Variants in MYO16 observed in about 807,000 individuals in gnomAD.
The protein encoded by MYO16 is unconventional myosin-XVI.
Under a neutral mutation model 205.3 loss-of-function variants are expected in MYO16, and 94 were observed. The ratio of observed to expected loss-of-function variants is 0.46; its 90% CI spans 0.39 to 0.54. The LOEUF (loss-of-function observed/expected upper bound fraction) is 0.54, where lower values mean the gene tolerates loss of function less well. MYO16 is among the 20% of genes least tolerant of loss of function. The pLI is 0.00. For synonymous variants in MYO16, 988 were observed against 954.0 expected, an observed-to-expected ratio of 1.04 and a Z score of -0.66; for missense variants, 2,315 against 2,387.5, an observed-to-expected ratio of 0.97 and a Z score of 0.63.
At chr13:109,023,607 ATT>A (rs1886208082) in intron 23 of MYO16, among the ~76,000 whole-genome samples, 1 of 127,138 alleles carries the variant, frequency 7.9e-6, no homozygotes, top group Non-Finnish European at 1.6e-5. Context: ...AAATGTACAT[ATT>A]TATATATACA....
chr13:109,176,310 ATT>A (rs1879172371), intron 33 of MYO16, among the ~76,000 whole-genome samples: 1 of 151,466 alleles, frequency 6.6e-6, no homozygotes, highest in Non-Finnish European at 1.5e-5. Context: ...TTCTTTGTCC[ATT>A]TTTTAATATC....
At chr13:108,798,688 ATTTTTT>A (rs35432777) in intron 6 of MYO16, among the ~76,000 whole-genome samples, 1 of 70,350 alleles carries the variant, frequency 1.4e-5, no homozygotes, top group Non-Finnish European at 2.5e-5. Flanking sequence ...CCCGAGGCTT[ATTTTTT>A]TTTTTTTTTT....
the MYO16 span, among the ~76,000 whole-genome samples, chr13:108,531,926 G>T: frequency 6.6e-6 from 1 of 152,164 alleles, no homozygotes; most frequent in Admixed American, 6.5e-5. Flanking sequence ...AAAGCAGAAG[G>T]CCCGGCCTGG....
At chr13:109,011,508 T>TG (rs1473566221) in intron 22 of MYO16, among the ~76,000 whole-genome samples, 2 of 150,682 alleles carry the variant, frequency 1.3e-5, no homozygotes, top group African/African-American at 2.4e-5. Context: ...CTTTTTTTTT[T>TG]TTGTTGTTAT....
Position 109,162,696 on chromosome 13 carries a change from C to T in MYO16, c.5165-2205C>T, listed in dbSNP as rs1259700720. On this transcript the variant is annotated intron_variant, in intron 32 of 34. Transcript: ENST00000457511. This position sits in a 1 kb window ranked among gnomAD's most constrained non-coding sequence, Gnocchi z 4.6. ...GTATTCATTATGTATCTCCCGCACTCAGTGAGTATCTGGCACATAGTAGGC... is the reference window on the plus strand; with the variant it reads ...GTATTCATTATGTATCTCCCGCACTTAGTGAGTATCTGGCACATAGTAGGC... Among the ~76,000 whole-genome samples the T allele has an allele frequency of 1.3e-5, 2 of 152,116 alleles. No individual in the cohort carries two copies. The highest frequency in any genetic ancestry group is 2.4e-5 in the African/African-American group (1 of 41,412).
intron 27 of MYO16, among the ~76,000 whole-genome samples, chr13:109,093,907 C>A (rs1425252767): frequency 6.6e-6 from 1 of 152,148 alleles, no homozygotes; most frequent in Admixed American, 6.5e-5. Flanking sequence ...TGGGCTGGAA[C>A]CTCACACCCA....
At chr13:108,973,139 T>C (rs1884119245) in intron 20 of MYO16, among the ~76,000 whole-genome samples, 1 of 152,080 alleles carries the variant, frequency 6.6e-6, no homozygotes, top group South Asian at 2.1e-4. Flanking sequence ...CATTCCAGTA[T>C]CTGTCTGGAG....
At chr13:108,937,938 G>T (rs1298262544) in intron 16 of MYO16, among the ~76,000 whole-genome samples, 2 of 152,286 alleles carry the variant, frequency 1.3e-5, no homozygotes, top group East Asian at 3.9e-4. Context: ...TCCTTTGGTG[G>T]TGTCACTACA....
intron 22 of MYO16, among the ~76,000 whole-genome samples, chr13:109,011,802 G>A (rs772404184): frequency 1.3e-5 from 2 of 152,066 alleles, no homozygotes; most frequent in African/African-American, 2.4e-5. Context: ...GTGAGCCACC[G>A]TGCCTGGCCT....
intron 9 of MYO16, among the ~76,000 whole-genome samples, chr13:108,832,671 T>C (rs1362432023): frequency 3.9e-5 from 6 of 152,182 alleles, no homozygotes; most frequent in Non-Finnish European, 8.8e-5. Flanking sequence ...TAGTTTCACT[T>C]CACATTAATA....
chr13:108,929,328 C>T (rs1276730299), intron 16 of MYO16, among the ~76,000 whole-genome samples: 1 of 152,126 alleles, frequency 6.6e-6, no homozygotes, highest in African/African-American at 2.4e-5. Flanking sequence ...AGTTCCAATA[C>T]ATATGTGGAA....
At chr13:108,964,598 G>T (rs1172219573) in intron 19 of MYO16, among the ~76,000 whole-genome samples, 163 bp from the exon 20 acceptor site, 1 of 152,128 alleles carries the variant, frequency 6.6e-6, no homozygotes, top group Non-Finnish European at 1.5e-5. Context: ...GAAACATTTT[G>T]CATAATAACT....
intron 4 of MYO16, among the ~76,000 whole-genome samples, chr13:108,747,688 A>G (rs1230257438): frequency 6.6e-6 from 1 of 152,178 alleles, no homozygotes; most frequent in East Asian, 1.9e-4. Context: ...TATGTCAACA[A>G]TTGCTTCAAA....
chr13:108,547,750 G>A, the MYO16 span, among the ~76,000 whole-genome samples: 8 of 152,210 alleles, frequency 5.3e-5, no homozygotes, highest in South Asian at 1.0e-3. Context: ...TGCCAAGTGG[G>A]TAAGATCACT....
chr13:109,019,340 C>T (rs1017902879), intron 22 of MYO16, among the ~76,000 whole-genome samples: 3 of 151,966 alleles, frequency 2.0e-5, no homozygotes, highest in Non-Finnish European at 2.9e-5. Context: ...TTTCTTGTCT[C>T]ATCATTGGTA....
chr13:109,113,508 A>G (rs1304104662), intron 28 of MYO16, among the ~76,000 whole-genome samples: 1 of 152,242 alleles, frequency 6.6e-6, no homozygotes, highest in Admixed American at 6.5e-5. Context: ...ATATTTAGAA[A>G]GATCACGCTG....
At chr13:109,206,521 C>A (rs1470636240) in intron 34 of MYO16, 88 bp from the exon 35 acceptor site, 1 of 986,466 alleles carries the variant, frequency 1.0e-6, no homozygotes, top group Non-Finnish European at 1.6e-6. Context: ...CAGTCCTGCC[C>A]CTTTGTATCC....
At chr13:108,705,498 A>G (rs1206910319) in intron 2 of MYO16, among the ~76,000 whole-genome samples, 1 of 152,222 alleles carries the variant, frequency 6.6e-6, no homozygotes, top group African/African-American at 2.4e-5. Flanking sequence ...ACATTCATAT[A>G]ACTTTTATTA....
chr13:108,641,750 T>A lies in MYO16; in HGVS notation c.28+11878T>A, dbSNP rs185449762. ...ATGCAGGGCAACATTTTGCTTCACC[T>A]TTTCCATTCTTAGGGAATCCTAAAC... is the stretch of plus-strand genomic sequence containing the variant. On this transcript the variant is annotated intron_variant, in intron 1 of 34. Transcript: ENST00000457511. Among the ~76,000 whole-genome samples the A allele has an allele frequency of 4.2e-4, 64 of 152,354 alleles. 1 individual carries two copies. The East Asian group carries it at 7.1e-3, about 17-fold the overall frequency.
Sources: allele counts gnomAD v4.1 joint callset (sites outside exome capture counted in the v4.1 genomes callset), GRCh38; gene constraint gnomAD v4.1.1; non-coding constraint Gnocchi (gnomAD v3.1); transcripts MANE v1.5; gene names NCBI Gene and HGNC (gene_info 2026-07-23, HGNC 2026-07-21).